CRPPA: variants seen among roughly 807,000 people sequenced by gnomAD.
CRPPA encodes D-ribitol-5-phosphate cytidylyltransferase.
Under a neutral mutation model 52.0 loss-of-function variants are expected in CRPPA, and 43 were observed. The observed-to-expected ratio is 0.83, with a 90% CI of 0.65 to 1.07. The LOEUF (loss-of-function observed/expected upper bound fraction) is 1.07. Ranked by LOEUF, CRPPA falls within the 50% of genes least tolerant of loss-of-function variation. CRPPA has a pLI of 0.00. For synonymous variants in CRPPA, 250 were observed against 203.5 expected (o/e 1.23, Z -1.94); for missense variants, 629 against 551.7 (o/e 1.14, Z -1.40).
chr7:16,134,901 A>G (rs1782736913), intron 9 of CRPPA, among the ~76,000 whole-genome samples: 3 of 152,240 alleles, frequency 2.0e-5, no homozygotes, highest in African/African-American at 7.2e-5. Flanking sequence ...AGTGAATACT[A>G]TGTAATTTTT....
At chr7:16,398,433 G>A (rs915212935) in intron 2 of CRPPA, among the ~76,000 whole-genome samples, 7 of 151,966 alleles carry the variant, frequency 4.6e-5, no homozygotes, top group African/African-American at 1.7e-4. Context: ...TGATTGACGT[G>A]ACCGAGGTTT....
Position 16,406,173 on chromosome 7 carries a change from T to C in CRPPA, c.422A>G (p.Gln141Arg), listed in dbSNP as rs1787948630. The change falls in exon 2 of 10, where the codon CAG (glutamine) becomes CGG (arginine). Residue 141 changes from glutamine to arginine, a missense_variant. Transcript: ENST00000407010. ...FNGLKALAED[Q>R]INSKLSKPEV... is the part of the protein sequence containing the mutation. ...TGGCTTAGAGAGTTTAGAGTTGATC[T>C]GATCTTCTGCCAGTGCTTTTAGTCC... The C allele has an allele frequency of 1.9e-6, 3 of 1,614,018 alleles. No homozygotes were observed.
chr7:16,107,165 C>T (rs368385369), intron 9 of CRPPA, among the ~76,000 whole-genome samples: 48 of 151,632 alleles, frequency 3.2e-4, no homozygotes, highest in African/African-American at 9.9e-4. Flanking sequence ...GAACTGCAGA[C>T]GGAATAGAAA....
intron 9 of CRPPA, among the ~76,000 whole-genome samples, chr7:16,151,416 T>A (rs560505101): frequency 6.6e-6 from 1 of 152,156 alleles, no homozygotes; most frequent in East Asian, 1.9e-4. Context: ...TGATGATTTG[T>A]TTTTTCAAGC....
intron 9 of CRPPA, among the ~76,000 whole-genome samples, chr7:16,179,685 A>G (rs897576763): frequency 6.6e-6 from 1 of 152,090 alleles, no homozygotes; most frequent in Non-Finnish European, 1.5e-5. Flanking sequence ...GACCTCCTAG[A>G]ACTATAAAAT....
chr7:16,412,263 G>GTT (rs1788091623), intron 1 of CRPPA, among the ~76,000 whole-genome samples: 1 of 152,154 alleles, frequency 6.6e-6, no homozygotes, highest in Non-Finnish European at 1.5e-5. Flanking sequence ...TCAGTTTATA[G>GTT]TAAGTTTTAA....
At chr7:16,117,957 A>C (rs1782410962) in intron 9 of CRPPA, among the ~76,000 whole-genome samples, 1 of 152,188 alleles carries the variant, frequency 6.6e-6, no homozygotes, top group Non-Finnish European at 1.5e-5. Flanking sequence ...AAGCTTTAAA[A>C]CATAACAGGT....
intron 8 of CRPPA, chr7:16,216,576 G>A (rs1410107981): frequency 9.3e-6 from 2 of 216,182 alleles, no homozygotes; most frequent in Non-Finnish European, 1.9e-5. Flanking sequence ...GCAGGTCAGT[G>A]GGTGCGCGCA....
intron 3 of CRPPA, among the ~76,000 whole-genome samples, chr7:16,317,865 G>A (rs1785180617): frequency 1.3e-5 from 2 of 152,116 alleles, no homozygotes; most frequent in African/African-American, 4.8e-5. Flanking sequence ...CCCACCAACA[G>A]AGTATCAAAG....
chr7:16,234,620 C>T lies in CRPPA; in HGVS notation c.1120-18423G>A, dbSNP rs79481478. Among the ~76,000 whole-genome samples, 997 of 152,154 alleles carry T rather than the reference C, an allele frequency of 6.6e-3. 4 individuals are homozygous for T. The highest frequency in any genetic ancestry group is 0.016 in the South Asian group (79 of 4,828). On this transcript the variant is annotated intron_variant, in intron 8 of 9. Transcript: ENST00000407010. Reference sequence around the variant, plus strand: ...ACTTGAGTTGCAATTTTTATTATTTCCTCATATCTGCCTCCTTCTTTTCTG... The same window carrying T: ...ACTTGAGTTGCAATTTTTATTATTTTCTCATATCTGCCTCCTTCTTTTCTG...
intron 9 of CRPPA, among the ~76,000 whole-genome samples, chr7:16,146,799 C>T (rs1288692326): frequency 6.6e-6 from 1 of 151,960 alleles, no homozygotes; most frequent in Non-Finnish European, 1.5e-5. Flanking sequence ...GCAAGCATAC[C>T]ACTATAAAAA....
At chr7:16,342,761 CACAAAA>C (rs1228468554) in intron 3 of CRPPA, among the ~76,000 whole-genome samples, 1 of 3,252 alleles carries the variant, frequency 3.1e-4, no homozygotes, top group African/African-American at 1.1e-3. Context: ...ACCCTGTCTC[CACAAAA>C]AAAAAAAAAA....
intron 1 of CRPPA, among the ~76,000 whole-genome samples, chr7:16,420,216 C>T (rs1788293173): frequency 6.6e-6 from 1 of 152,158 alleles, no homozygotes; most frequent in African/African-American, 2.4e-5. Context: ...CGCATCAATT[C>T]AAGGCTTCAC....
At position 16,334,612 on chromosome 7, in the gene CRPPA, C is replaced by T. The variant is rs147426581; in HGVS notation, c.685-25985G>A. Among the ~76,000 whole-genome samples the T allele has an allele frequency of 2.3e-4, 35 of 152,264 alleles. No homozygotes were observed. In the South Asian group the frequency reaches 3.3e-3, roughly 14 times the overall value. ...GATTCTGGTACTGCCCAGAAAAAGA[C>T]GACAATCCACAACTCTGCCAAATCA... On this transcript the variant is annotated intron_variant, in intron 3 of 9. Transcript: ENST00000407010.
chr7:16,095,571 G>A (rs1781920273), intron 9 of CRPPA, among the ~76,000 whole-genome samples: 1 of 152,142 alleles, frequency 6.6e-6, no homozygotes, highest in African/African-American at 2.4e-5. Context: ...AAACTTATGT[G>A]AGAATATTTT....
intron 8 of CRPPA, among the ~76,000 whole-genome samples, chr7:16,256,467 T>C (rs1363753687): frequency 2.0e-5 from 3 of 152,164 alleles, no homozygotes; most frequent in African/African-American, 7.2e-5. Flanking sequence ...TGCACACGTA[T>C]GTTTATTGCA....
intron 9 of CRPPA, among the ~76,000 whole-genome samples, chr7:16,128,876 C>T (rs76507827): frequency 0.06 from 9,063 of 152,108 alleles, 361 homozygotes; most frequent in East Asian, 0.14. Context: ...AATATAATAA[C>T]AGAAGCAAAT....
intron 8 of CRPPA, among the ~76,000 whole-genome samples, chr7:16,225,930 CT>C (rs1782637730): frequency 6.6e-6 from 1 of 151,596 alleles, no homozygotes; most frequent in Non-Finnish European, 1.5e-5. Flanking sequence ...CTTAAAAAAA[CT>C]TTTTAGAAGA....
intron 1 of CRPPA, among the ~76,000 whole-genome samples, chr7:16,411,344 C>G (rs1788072869): frequency 6.6e-6 from 1 of 152,092 alleles, no homozygotes; most frequent in Non-Finnish European, 1.5e-5. Flanking sequence ...AATACTGTCT[C>G]TGAGAGGAAG....
Sources: allele counts gnomAD v4.1 joint callset (sites outside exome capture counted in the v4.1 genomes callset), GRCh38; gene constraint gnomAD v4.1.1; transcripts MANE v1.5; gene names NCBI Gene and HGNC (gene_info 2026-07-23, HGNC 2026-07-21).